Variants in SNTG1 observed in about 807,000 individuals in gnomAD.
The protein encoded by SNTG1 is syntrophin gamma 1.
In SNTG1, 39 loss-of-function variants were observed where a neutral mutation model predicts 74.7. The ratio of observed to expected loss-of-function variants is 0.52; its 90% CI spans 0.40 to 0.68. SNTG1 has a LOEUF of 0.68. Among genes scored for constraint, SNTG1 ranks in the 30% least tolerant of loss-of-function variants. The probability of loss-of-function intolerance (pLI) is 0.00; values close to 1 mark genes in which losing one functional copy is unlikely to be tolerated. For synonymous variants in SNTG1, 254 were observed against 217.1 expected (o/e 1.17, Z -1.49); for missense variants, 685 against 609.5 (o/e 1.12, Z -1.30).
At chr8:50,619,809 C>T (rs949893220) in intron 13 of SNTG1, among the ~76,000 whole-genome samples, 7 of 149,906 alleles carry the variant, frequency 4.7e-5, no homozygotes, top group African/African-American at 1.5e-4. Flanking sequence ...GCTACTAAGA[C>T]TCCTATTATC....
chr8:50,711,485 T>A (rs10216649), intron 17 of SNTG1, among the ~76,000 whole-genome samples: 50,972 of 152,004 alleles, frequency 0.34, 11,110 homozygotes, highest in African/African-American at 0.62. Context: ...TGGGTCATTA[T>A]TTGAGCTCCA....
chr8:50,614,304 C>T (rs2094871697), intron 13 of SNTG1, among the ~76,000 whole-genome samples: 2 of 151,870 alleles, frequency 1.3e-5, no homozygotes, highest in South Asian at 2.1e-4. Flanking sequence ...ATTTCTGAAA[C>T]ATAGAAAAGC....
At chr8:50,058,151 G>A (rs542747394) in intron 1 of SNTG1, among the ~76,000 whole-genome samples, 1 of 152,176 alleles carries the variant, frequency 6.6e-6, no homozygotes, top group Non-Finnish European at 1.5e-5. Context: ...ACTATCAACT[G>A]CAGACTCTGA....
chr8:50,773,541 G>A (rs1482542691), intron 18 of SNTG1, among the ~76,000 whole-genome samples: 2 of 152,066 alleles, frequency 1.3e-5, no homozygotes, highest in Non-Finnish European at 2.9e-5. Flanking sequence ...CAAAACAATA[G>A]ATGACCAAGA....
At chr8:50,786,824 TA>T (rs779622305) in intron 18 of SNTG1, among the ~76,000 whole-genome samples, 1 of 152,090 alleles carries the variant, frequency 6.6e-6, no homozygotes, top group Non-Finnish European at 1.5e-5. Flanking sequence ...CCTCATACCA[TA>T]AAAAATTACT....
chr8:50,513,533 G>T (rs1225135950), intron 9 of SNTG1, among the ~76,000 whole-genome samples: 1 of 152,248 alleles, frequency 6.6e-6, no homozygotes, highest in Non-Finnish European at 1.5e-5. Context: ...ACAAAGGCAG[G>T]CAGGCCTCTT....
chr8:50,027,686 T>C (rs531413916), intron 1 of SNTG1, among the ~76,000 whole-genome samples: 67 of 152,334 alleles, frequency 4.4e-4, no homozygotes, highest in African/African-American at 1.5e-3. Context: ...CCTTCCTTAC[T>C]GTGGAAGAAT....
intron 1 of SNTG1, among the ~76,000 whole-genome samples, chr8:49,993,674 T>C (rs561840056): frequency 1.3e-5 from 2 of 152,336 alleles, no homozygotes; most frequent in African/African-American, 2.4e-5. Flanking sequence ...TTTCTGTTCC[T>C]GTGTTAGTAT....
intron 8 of SNTG1, among the ~76,000 whole-genome samples, chr8:50,468,895 ACCTTT>A (rs2093629937): frequency 6.6e-6 from 1 of 152,144 alleles, no homozygotes; most frequent in African/African-American, 2.4e-5. Flanking sequence ...TAGTGCAGGT[ACCTTT>A]TAACAGAATG....
chr8:50,360,788 G>A (rs917927472), intron 2 of SNTG1, among the ~76,000 whole-genome samples: 2 of 152,072 alleles, frequency 1.3e-5, no homozygotes, highest in East Asian at 3.9e-4. Context: ...CCTATATAGA[G>A]CACTTATGAT....
chr8:50,504,224 T>C (rs951009502), intron 9 of SNTG1, among the ~76,000 whole-genome samples: 4 of 152,192 alleles, frequency 2.6e-5, no homozygotes, highest in Admixed American at 1.3e-4. Flanking sequence ...ATGTACAACA[T>C]TTTTGTTATC....
rs763304174 is a variant in SNTG1, at chr8:50,792,831, A to T, written c.*2A>T. On this transcript the variant is annotated 3_prime_UTR_variant, in exon 19 of 19. Coordinates refer to ENST00000642720, the MANE Select transcript of SNTG1 (RefSeq NM_018967.5). ...AGCAAAGCAAAGTATACAACTTGAC[A>T]TACTGAACTCTTCATTGACACACCC... The T allele has an allele frequency of 1.2e-6, 2 of 1,610,844 alleles. 1 individual carries two copies. The highest frequency in any genetic ancestry group is 1.7e-6 in the Non-Finnish European group (2 of 1,178,156).
At chr8:50,415,212 A>T (rs1264989195) in intron 4 of SNTG1, among the ~76,000 whole-genome samples, 1 of 152,212 alleles carries the variant, frequency 6.6e-6, no homozygotes, top group East Asian at 1.9e-4. Context: ...GGAGTTCTGA[A>T]AATGGCAGTA....
intron 1 of SNTG1, among the ~76,000 whole-genome samples, chr8:50,154,723 C>G (rs375574861): frequency 6.6e-6 from 1 of 152,166 alleles, no homozygotes; most frequent in South Asian, 2.1e-4. Flanking sequence ...ATCACCTGGC[C>G]TATACTGATC....
chr8:50,546,733 T>C (rs1256639064), intron 11 of SNTG1, among the ~76,000 whole-genome samples: 1 of 152,078 alleles, frequency 6.6e-6, no homozygotes, highest in African/African-American at 2.4e-5. Flanking sequence ...TATGGCTGCA[T>C]AGTATTCCAT....
intron 1 of SNTG1, among the ~76,000 whole-genome samples, chr8:49,971,852 A>C (rs1811713049): frequency 6.6e-6 from 1 of 152,204 alleles, no homozygotes; most frequent in South Asian, 2.1e-4. Context: ...ACCACTGCTC[A>C]AGGAAATAAA....
intron 8 of SNTG1, among the ~76,000 whole-genome samples, chr8:50,476,695 T>C (rs888919041): frequency 2.0e-5 from 3 of 152,198 alleles, no homozygotes; most frequent in Admixed American, 1.3e-4. Flanking sequence ...TAGATTTTTC[T>C]TGCTGTCCCA....
At chr8:50,629,935 A>G (rs1017404945) in intron 13 of SNTG1, among the ~76,000 whole-genome samples, 7 of 152,298 alleles carry the variant, frequency 4.6e-5, no homozygotes, top group African/African-American at 1.7e-4. Context: ...TTATAAATAC[A>G]TGTGGCATTA....
intron 1 of SNTG1, among the ~76,000 whole-genome samples, chr8:50,005,488 G>T (rs1038819553): frequency 2.0e-5 from 3 of 150,720 alleles, no homozygotes; most frequent in Non-Finnish European, 3.0e-5. Flanking sequence ...AAAAATAATT[G>T]ATCATTTAGT....
Sources: gnomAD v4.1 joint callset for allele counts (sites outside exome capture counted in the v4.1 genomes callset) on GRCh38, gnomAD v4.1.1 for gene constraint, MANE v1.5 for transcripts, NCBI Gene and HGNC (gene_info 2026-07-23, HGNC 2026-07-21) for gene names.